The following BCLAF3 variants were observed in gnomAD, a reference collection of about 807,000 sequenced individuals.
BCLAF3 encodes the protein BCLAF1 and THRAP3 family member 3, also known as transient octamer binding factor 1.
A neutral mutation model predicts 51.2 loss-of-function variants in BCLAF3; 24 were observed. The ratio of observed to expected loss-of-function variants is 0.47; its 90% CI spans 0.34 to 0.66. The LOEUF is 0.66. BCLAF3 is among the 30% of genes least tolerant of loss of function. The probability of loss-of-function intolerance (pLI) is 0.01; values close to 1 mark genes in which losing one functional copy is unlikely to be tolerated. For missense variants in BCLAF3, 465 were observed against 525.1 expected, an observed-to-expected ratio of 0.89 and a Z score of 1.12; for synonymous variants, 152 against 176.6, an observed-to-expected ratio of 0.86 and a Z score of 1.10.
At chrX:19,925,914 T>A (rs1569499802) in intron 11 of BCLAF3, among the ~76,000 whole-genome samples, 3 of 112,091 alleles carry the variant, frequency 2.7e-5, no homozygotes, top group Non-Finnish European at 5.6e-5. Flanking sequence ...ACAGCTTCAA[T>A]GCCTCATTCC....
At position 19,955,410 on chromosome X, in the gene BCLAF3, T is replaced by C; in HGVS notation, c.1431A>G (p.Thr477=). Residue 477 remains threonine (T), a synonymous_variant, in exon 5 of 12, where the codon ACA becomes ACG. Transcript: ENST00000379682. ...ACCAACCTTTAACTTGATGGATTAT[T>C]GTTATGATTTCCTGAGCAAATTCTC... ...PTGEFAQEII[T]IIHQVKANYF... 9 of 1,197,055 alleles carry C rather than the reference T, an allele frequency of 7.5e-6. No homozygotes were observed. The highest frequency in any genetic ancestry group is 1.0e-5 in the Non-Finnish European group (9 of 889,890).
At chrX:19,922,839 G>A (rs2070215407) in intron 11 of BCLAF3, among the ~76,000 whole-genome samples, 1 of 110,508 alleles carries the variant, frequency 9.0e-6, no homozygotes, top group Admixed American at 9.8e-5. Context: ...GGTGGAGGTT[G>A]CAGTAAGCCG....
At chrX:19,955,639 A>G (rs2071634589) in intron 4 of BCLAF3, 73 bp from the exon 5 acceptor site, 1 of 895,008 alleles carries the variant, frequency 1.1e-6, no homozygotes, top group Admixed American at 3.4e-5. Flanking sequence ...AAAAATTAAG[A>G]TAGCTACAAA....
chrX:19,926,573 G>A (rs774116604), intron 11 of BCLAF3, among the ~76,000 whole-genome samples: 21 of 111,560 alleles, frequency 1.9e-4, no homozygotes, highest in Non-Finnish European at 3.4e-4. Flanking sequence ...AGTCAGGTAA[G>A]CATTCAGCAG....
rs753309081 is a variant in BCLAF3 at position 19,989,019 on chromosome X, T to C, written c.-35+1889A>G. ...CAAGTATGGCTCAAAAGTATTCCTA[T>C]AGAAATCCCTTTAAATGTTGCCTTT... On this transcript the variant is annotated intron_variant, in intron 1 of 11. Coordinates refer to ENST00000379682, the MANE Select transcript of BCLAF3 (RefSeq NM_001367774.2). Among the ~76,000 whole-genome samples the C allele has an allele frequency of 1.8e-3, 196 of 111,189 alleles. 2 individuals carry two copies. Among genetic ancestry groups the C allele is most frequent in the African/African-American group, 6.3e-3 (191 of 30,535 alleles).
chrX:19,929,700 G>A (rs2070474862), intron 11 of BCLAF3, 85 bp downstream of exon 11: 3 of 975,080 alleles, frequency 3.1e-6, no homozygotes, highest in African/African-American at 1.9e-5. Context: ...AAAATTAAAT[G>A]AGAAACCAAT....
In BCLAF3 at chrX:19,916,606, G is replaced by GA. The variant is rs1473144828; in HGVS notation, c.*698dup. ...CTTGCCCTGAGGGAAAAATAAGATG[G>GA]ACTATAGATTACAAAATCTTTACAT... On this transcript the variant is annotated 3_prime_UTR_variant, in exon 12 of 12. Transcript: ENST00000379682. The GA allele has an allele frequency of 8.9e-6, 1 of 112,291 alleles. No individual in the cohort carries two copies. The highest frequency in any genetic ancestry group is 1.9e-5 in the Non-Finnish European group (1 of 53,135). The allele number at this position is 112,291 out of a possible 1,213,427, so 9.3% of individuals were successfully genotyped here. A position where few individuals can be genotyped will look rare whatever the true frequency, so the allele number is the denominator to read the frequency against.
chrX:19,987,698 G>A (rs1369211627), intron 1 of BCLAF3, among the ~76,000 whole-genome samples: 5 of 112,466 alleles, frequency 4.4e-5, no homozygotes, highest in African/African-American at 1.6e-4. Context: ...GGAATACAAA[G>A]TTAGAAGAGA....
At chrX:19,931,561 A>C (rs771313751) in intron 10 of BCLAF3, among the ~76,000 whole-genome samples, 2 of 112,222 alleles carry the variant, frequency 1.8e-5, no homozygotes, top group African/African-American at 3.2e-5. Context: ...CATATGAAGA[A>C]AAACCCTGGG....
chrX:19,972,873 T>G (rs966061480), intron 1 of BCLAF3, among the ~76,000 whole-genome samples: 2 of 112,454 alleles, frequency 1.8e-5, no homozygotes, highest in African/African-American at 6.5e-5. Context: ...TGTTCATTCA[T>G]TCACCTCTCC....
intron 1 of BCLAF3, among the ~76,000 whole-genome samples, chrX:19,976,363 C>A (rs2148011666): frequency 8.9e-6 from 1 of 111,975 alleles, no homozygotes; most frequent in South Asian, 3.7e-4. Flanking sequence ...CTGATGGCAC[C>A]CATGTGTTGA....
Position 19,922,848 on chromosome X carries a change from C to T in BCLAF3, c.2107-5514G>A, listed in dbSNP as rs200699384. ...CCAGGAGGTGGAGGTTGCAGTAAGC[C>T]GAGATCGCGCCACTGCACTCCAGCC... On this transcript the variant is annotated intron_variant, in intron 11 of 11. Transcript: ENST00000379682. Among the ~76,000 whole-genome samples the T allele has an allele frequency of 5.5e-5, 6 of 109,641 alleles. No homozygotes were observed. The East Asian group carries it at 1.1e-3, about 21-fold the overall frequency.
At chrX:19,956,279 C>T (rs1446615438) in intron 4 of BCLAF3, among the ~76,000 whole-genome samples, 1 of 111,817 alleles carries the variant, frequency 8.9e-6, no homozygotes, top group Non-Finnish European at 1.9e-5. Context: ...CTCCTGACCT[C>T]TAAGTACTTT....
chrX:19,924,390 C>T, intron 11 of BCLAF3, among the ~76,000 whole-genome samples: 1 of 111,700 alleles, frequency 9.0e-6, no homozygotes, highest in Non-Finnish European at 1.9e-5. Flanking sequence ...GGTAGTGAAA[C>T]TGGAGCCTCC....
At chrX:19,917,896 C>T (rs1052092767) in intron 11 of BCLAF3, among the ~76,000 whole-genome samples, 1 of 111,546 alleles carries the variant, frequency 9.0e-6, no homozygotes, top group Non-Finnish European at 1.9e-5. Context: ...AACAATGAGA[C>T]TATGATTAGA....
intron 4 of BCLAF3, among the ~76,000 whole-genome samples, chrX:19,962,623 C>T (rs7883287): frequency 0.34 from 38,238 of 111,504 alleles, 7,570 homozygotes; most frequent in African/African-American, 0.77. Flanking sequence ...GCAACTTACT[C>T]TGAAAAATAT....
chrX:19,940,579 G>A (rs761098212), intron 8 of BCLAF3, among the ~76,000 whole-genome samples: 74 of 110,711 alleles, frequency 6.7e-4, no homozygotes, highest in African/African-American at 2.3e-3. Flanking sequence ...TTTCATCCAT[G>A]TCCCTACAAA....
intron 11 of BCLAF3, among the ~76,000 whole-genome samples, chrX:19,917,560 T>C (rs193129604): frequency 1.8e-5 from 2 of 112,004 alleles, no homozygotes. Flanking sequence ...CATGTGGTGC[T>C]AGATAACATT....
intron 10 of BCLAF3, among the ~76,000 whole-genome samples, chrX:19,934,504 A>G (rs1406628505): frequency 8.9e-6 from 1 of 112,509 alleles, no homozygotes; most frequent in Non-Finnish European, 1.9e-5. Flanking sequence ...CGTGTCACAC[A>G]TGTAATTTTA....
Sources: gnomAD v4.1 joint callset for allele counts (sites outside exome capture counted in the v4.1 genomes callset) on GRCh38, gnomAD v4.1.1 for gene constraint, MANE v1.5 for transcripts, NCBI Gene and HGNC (gene_info 2026-07-23, HGNC 2026-07-21) for gene names.